RHOBTB3: variants seen among roughly 807,000 people sequenced by gnomAD.
RHOBTB3 encodes the protein rho-related BTB domain-containing protein 3.
Under a neutral mutation model 67.2 loss-of-function variants are expected in RHOBTB3, and 47 were observed. The observed-to-expected ratio is 0.70, with a 90% CI of 0.55 to 0.89. The LOEUF (loss-of-function observed/expected upper bound fraction) is 0.89. Ranked by LOEUF, RHOBTB3 falls within the 40% of genes least tolerant of loss-of-function variation. The pLI is 0.00. For synonymous variants in RHOBTB3, 273 were observed against 274.2 expected (o/e 1.00, Z 0.04); for missense variants, 631 against 750.0 (o/e 0.84, Z 1.85).
chr5:95,739,521 A>G (rs1755542030), intron 3 of RHOBTB3, among the ~76,000 whole-genome samples: 1 of 152,214 alleles, frequency 6.6e-6, no homozygotes, highest in Non-Finnish European at 1.5e-5. Context: ...TTACAACTAA[A>G]AAGTTGTCAA....
At chr5:95,780,999 T>G (rs1049418519) in intron 9 of RHOBTB3, among the ~76,000 whole-genome samples, 1 of 152,164 alleles carries the variant, frequency 6.6e-6, no homozygotes, top group Non-Finnish European at 1.5e-5. Flanking sequence ...GAATACCCAG[T>G]GGACTGTAGG....
chr5:95,748,597 T>A, intron 4 of RHOBTB3, 110 bp downstream of exon 4: 1 of 704,130 alleles, frequency 1.4e-6, no homozygotes, highest in Non-Finnish European at 2.2e-6. Flanking sequence ...TTGTCTTACT[T>A]AACCTTGAGA....
At chr5:95,732,419 G>T in intron 2 of RHOBTB3, 1 of 544,022 alleles carries the variant, frequency 1.8e-6, no homozygotes, top group South Asian at 2.7e-5. Context: ...GCAAAAAGCA[G>T]TGTTTTTTTA....
At chr5:95,750,450 A>G (rs1413101449) in intron 4 of RHOBTB3, among the ~76,000 whole-genome samples, 1 of 152,230 alleles carries the variant, frequency 6.6e-6, no homozygotes, top group East Asian at 1.9e-4. Flanking sequence ...TTGAAATAAA[A>G]CCAAGTAAAA....
chr5:95,746,287 T>G (rs747790946), intron 3 of RHOBTB3, among the ~76,000 whole-genome samples: 113 of 152,166 alleles, frequency 7.4e-4, no homozygotes, highest in Non-Finnish European at 1.0e-3. Flanking sequence ...CTTTTCCACT[T>G]GAAACACTCC....
At chr5:95,722,838 C>T (rs1344630229) in intron 1 of RHOBTB3, among the ~76,000 whole-genome samples, 1 of 152,156 alleles carries the variant, frequency 6.6e-6, no homozygotes, top group Non-Finnish European at 1.5e-5. Flanking sequence ...ATATTAAAGG[C>T]CAGATTACCA....
intron 4 of RHOBTB3, 143 bp from the exon 5 acceptor site, chr5:95,752,096 A>G (rs894392391): frequency 7.2e-6 from 4 of 558,198 alleles, no homozygotes; most frequent in Non-Finnish European, 1.3e-5. Flanking sequence ...AAATAAAAAC[A>G]TTGTTTATAT....
intron 6 of RHOBTB3, among the ~76,000 whole-genome samples, chr5:95,757,402 A>T (rs1175617397): frequency 1.3e-5 from 2 of 152,094 alleles, no homozygotes; most frequent in Non-Finnish European, 2.9e-5. Context: ...GGCTAAGGTC[A>T]CTCCTGCTCT....
chr5:95,792,416 A>C (rs1180696501), intron 11 of RHOBTB3, among the ~76,000 whole-genome samples: 1 of 151,024 alleles, frequency 6.6e-6, no homozygotes, highest in Non-Finnish European at 1.5e-5. Flanking sequence ...AAGAAAAGAA[A>C]AGAAAAGAAA....
At chr5:95,730,985 CT>C (rs1755209746), upstream of RHOBTB3, 5 of 592,482 alleles carry the variant, frequency 8.4e-6, no homozygotes, top group Admixed American at 2.4e-5. Context: ...CCCTAACCTC[CT>C]TTTTCCAGTC....
chr5:95,776,389 G>C (rs1449345688), intron 8 of RHOBTB3, among the ~76,000 whole-genome samples: 3 of 151,844 alleles, frequency 2.0e-5, no homozygotes, highest in South Asian at 2.1e-4. Context: ...CCGGAAGACA[G>C]AGTGAGACTC....
chr5:95,772,095 A>G (rs1745731590), intron 8 of RHOBTB3, among the ~76,000 whole-genome samples: 1 of 152,174 alleles, frequency 6.6e-6, no homozygotes, highest in Non-Finnish European at 1.5e-5. Context: ...TTTAGGGTTG[A>G]TTGGACTCAC....
intron 1 of RHOBTB3, among the ~76,000 whole-genome samples, chr5:95,722,281 T>G (rs1754908010): frequency 1.3e-5 from 2 of 152,014 alleles, no homozygotes. Flanking sequence ...CTGAACAAAA[T>G]CTATTTTTTA....
Position 95,782,233 on chromosome 5 carries a change from T to C in RHOBTB3, c.1457-1564T>C, listed in dbSNP as rs545452729. 4.6e-5 allele frequency: 7 copies of C among 152,328 alleles called. No homozygotes were observed. The East Asian group carries it at 9.6e-4, about 21-fold the overall frequency. The allele number at this position is 152,328 out of a possible 1,614,324, so 9.4% of individuals were successfully genotyped here. A position where few individuals can be genotyped will look rare whatever the true frequency, so the allele number is the denominator to read the frequency against. On this transcript the variant is annotated intron_variant, in intron 9 of 11. Transcript: ENST00000379982. ...ATGTTATTATGTTAAATATTCACCATACACAGTGTTCTTGGTTCCATAGCT... is the reference window on the plus strand; with the variant it reads ...ATGTTATTATGTTAAATATTCACCACACACAGTGTTCTTGGTTCCATAGCT...
Position 95,722,214 on chromosome 5 carries a change from G to A in RHOBTB3, n.133+4449G>A, listed in dbSNP as rs79014317. On this transcript the variant is annotated intron_variant and non_coding_transcript_variant, in intron 1 of 5. Transcript: ENST00000504949. Reference sequence around the variant, plus strand: ...AAACAACACAGCAAGCAAAGGGAGTGCAGGAGATGGGGAAGGCTTTTAGTA... The same window carrying A: ...AAACAACACAGCAAGCAAAGGGAGTACAGGAGATGGGGAAGGCTTTTAGTA... 9.9e-3 allele frequency among the ~76,000 whole-genome samples: 1,501 copies of A among 152,288 alleles called. 23 individuals are homozygous for A. The highest frequency in any genetic ancestry group is 0.035 in the African/African-American group (1,452 of 41,552).
chr5:95,755,562 G>A lies in RHOBTB3; in HGVS notation c.849G>A (p.Leu283=). The change falls in exon 6 of 12, where the codon CTG becomes CTA. Residue 283 remains leucine (L), a synonymous_variant. Coordinates refer to ENST00000379982, the MANE Select transcript of RHOBTB3 (RefSeq NM_014899.4). ...GCGCTGTAAGCCATGTTTTCATGCT[G>A]CTTTTCAATGTGAAGAGTCCCACTG... ...VLCAVSHVFM[L]LFNVKSPTDI... 6.2e-7 allele frequency: 1 copy of A among 1,614,122 alleles called. No individual in the cohort carries two copies. The highest frequency in any genetic ancestry group is 8.5e-7 in the Non-Finnish European group (1 of 1,180,002).
chr5:95,745,917 T>G (rs1744902053), intron 3 of RHOBTB3, among the ~76,000 whole-genome samples: 1 of 151,930 alleles, frequency 6.6e-6, no homozygotes, highest in Admixed American at 6.6e-5. Context: ...TTGAAGAATA[T>G]AGGAATGGTT....
chr5:95,756,265 C>A (rs1745243046), intron 6 of RHOBTB3, among the ~76,000 whole-genome samples: 1 of 152,166 alleles, frequency 6.6e-6, no homozygotes, highest in Non-Finnish European at 1.5e-5. Flanking sequence ...CAGTATTTGT[C>A]ATTTTGTGAT....
At chr5:95,725,277 G>C (rs149136722) in intron 1 of RHOBTB3, among the ~76,000 whole-genome samples, 3 of 152,218 alleles carry the variant, frequency 2.0e-5, no homozygotes, top group Non-Finnish European at 4.4e-5. Flanking sequence ...AAATGATGAT[G>C]AATAAAAGAA....
Sources: allele counts gnomAD v4.1 joint callset (sites outside exome capture counted in the v4.1 genomes callset), GRCh38; gene constraint gnomAD v4.1.1; transcripts MANE v1.5; gene names NCBI Gene and HGNC (gene_info 2026-07-23, HGNC 2026-07-21).